Variants in SPAG17 observed in about 807,000 individuals in gnomAD.
SPAG17 encodes the protein sperm associated antigen 17.
Under a neutral mutation model 273.6 loss-of-function variants are expected in SPAG17, and 169 were observed. That is an observed-to-expected ratio of 0.62 (90% CI 0.55 to 0.70). The LOEUF is 0.70. Among genes scored for constraint, SPAG17 ranks in the 30% least tolerant of loss-of-function variants. The probability of loss-of-function intolerance (pLI) is 0.00; values close to 1 mark genes in which losing one functional copy is unlikely to be tolerated. For synonymous variants in SPAG17, 825 were observed against 873.2 expected, an observed-to-expected ratio of 0.94 and a Z score of 0.97; for missense variants, 2,557 against 2,627.8, an observed-to-expected ratio of 0.97 and a Z score of 0.59.
chr1:118,020,518 T>C (rs1248629615), intron 28 of SPAG17, among the ~76,000 whole-genome samples: 1 of 151,746 alleles, frequency 6.6e-6, no homozygotes, highest in East Asian at 1.9e-4. Context: ...ACAATAATTC[T>C]AAATGTATGA....
chr1:117,977,581 T>A (rs1044893565), intron 43 of SPAG17, among the ~76,000 whole-genome samples: 1 of 152,216 alleles, frequency 6.6e-6, no homozygotes, highest in Non-Finnish European at 1.5e-5. Context: ...ATTCCTCCCA[T>A]AAAGCTTTCT....
At chr1:118,014,807 G>A (rs562891386) in intron 29 of SPAG17, among the ~76,000 whole-genome samples, 1 of 152,282 alleles carries the variant, frequency 6.6e-6, no homozygotes, top group African/African-American at 2.4e-5. Context: ...GAATAGCTAA[G>A]GAATGGAAAG....
At chr1:118,161,211 C>A (rs543592619) in intron 1 of SPAG17, among the ~76,000 whole-genome samples, 311 of 152,292 alleles carry the variant, frequency 2.0e-3, no homozygotes, top group African/African-American at 7.2e-3. Flanking sequence ...ATCAGTGGCC[C>A]TGACTGGGTT....
rs1035085678 is a variant in SPAG17 at position 118,041,728 on chromosome 1, C to A, written c.3054+75G>T. The A allele has an allele frequency of 2.0e-6, 3 of 1,537,296 alleles. No individual in the cohort carries two copies. The Admixed American group carries it at 6.4e-5, about 33-fold the overall frequency. On this transcript the variant is annotated intron_variant, in intron 21 of 48. Coordinates refer to ENST00000336338, the MANE Select transcript of SPAG17 (RefSeq NM_206996.4). ...TGTGGGGTAGTGAAAACAAAAGAAT[C>A]TTATAATAACCGTATTTTCCCAAAA...
intron 1 of SPAG17, among the ~76,000 whole-genome samples, chr1:118,181,718 A>T (rs1431598788): frequency 6.6e-6 from 1 of 152,212 alleles, no homozygotes; most frequent in Non-Finnish European, 1.5e-5. Context: ...AATAAATAAA[A>T]AATAAAAAGT....
intron 15 of SPAG17, among the ~76,000 whole-genome samples, chr1:118,080,453 G>A (rs999669315): frequency 2.0e-5 from 3 of 152,274 alleles, no homozygotes; most frequent in South Asian, 2.1e-4. Flanking sequence ...ATGGAAAAAG[G>A]TTTTGGGAAA....
chr1:117,957,557 GT>G (rs1398387286), intron 48 of SPAG17, among the ~76,000 whole-genome samples: 1 of 152,218 alleles, frequency 6.6e-6, no homozygotes, highest in African/African-American at 2.4e-5. Flanking sequence ...TGATTGGCCA[GT>G]TTGCCTCATT....
At chr1:117,992,010 A>T (rs1412409523) in intron 36 of SPAG17, among the ~76,000 whole-genome samples, 1 of 152,202 alleles carries the variant, frequency 6.6e-6, no homozygotes, top group African/African-American at 2.4e-5. Flanking sequence ...ATATAACCAT[A>T]AACAAAACAC....
At chr1:117,994,594 G>T in intron 34 of SPAG17, 64 bp from the exon 35 acceptor site, 1 of 1,516,032 alleles carries the variant, frequency 6.6e-7, no homozygotes, top group Non-Finnish European at 8.9e-7. Context: ...AAATGAAAAC[G>T]CATTGACTAA....
chr1:118,018,619 G>A (rs1000650483), intron 28 of SPAG17, among the ~76,000 whole-genome samples: 4 of 151,002 alleles, frequency 2.6e-5, no homozygotes, highest in Admixed American at 6.6e-5. Context: ...GATTGCTTAA[G>A]CCCAAGAGTT....
intron 20 of SPAG17, among the ~76,000 whole-genome samples, chr1:118,046,905 A>T (rs1366870908): frequency 2.0e-5 from 3 of 152,224 alleles, no homozygotes; most frequent in African/African-American, 7.2e-5. Flanking sequence ...AAAAGAAAGG[A>T]TCATAGAGAA....
intron 1 of SPAG17, among the ~76,000 whole-genome samples, chr1:118,183,438 G>C (rs1327801755): frequency 6.6e-6 from 1 of 152,110 alleles, no homozygotes; most frequent in African/African-American, 2.4e-5. Flanking sequence ...AGAAAAATGA[G>C]AGAGGAGGTG....
chr1:118,024,963 T>A (rs1024325927), intron 27 of SPAG17, among the ~76,000 whole-genome samples: 1 of 152,184 alleles, frequency 6.6e-6, no homozygotes, highest in Non-Finnish European at 1.5e-5. Context: ...TTTAAATTTT[T>A]AAAATTAGTT....
At position 118,177,559 on chromosome 1, in the gene SPAG17, A is replaced by G. The variant is rs554876000; in HGVS notation, c.87+7512T>C. On this transcript the variant is annotated intron_variant, in intron 1 of 48. Transcript: ENST00000336338. ...AACAAATCAAACCTTAAATTAGCGGAAGGAAAATAATAAAGATCAGAGAAG... is the reference window on the plus strand; with the variant it reads ...AACAAATCAAACCTTAAATTAGCGGGAGGAAAATAATAAAGATCAGAGAAG... Among the ~76,000 whole-genome samples the G allele has an allele frequency of 2.6e-5, 4 of 152,284 alleles. No individual in the cohort carries two copies. The South Asian group carries it at 6.2e-4, about 24-fold the overall frequency.
chr1:118,021,808 T>G (rs1017863061), intron 28 of SPAG17, among the ~76,000 whole-genome samples: 4 of 152,096 alleles, frequency 2.6e-5, no homozygotes, highest in Non-Finnish European at 4.4e-5. Flanking sequence ...CAGGGTAGGC[T>G]CTTAGAAAAA....
chr1:118,093,271 T>G lies in SPAG17; in HGVS notation c.1058A>C (p.Tyr353Ser). ...DIFENIACLMYDILDWKRQHQ... is the reference protein window; with the variant it reads ...DIFENIACLMSDILDWKRQHQ... ...CTGCCTTTTCCAATCCAGGATGTCA[T>G]ACATCAAGCAGGCAATATTTTCAAA... Residue 353 changes from tyrosine (Y) to serine (S), a missense_variant, in exon 8 of 49, where the codon TAT becomes TCT. Physicochemically the swap from Tyr to Ser is moderately radical, Grantham distance 144. Transcript: ENST00000336338. 6.2e-7 allele frequency: 1 copy of G among 1,613,318 alleles called. No individual in the cohort carries two copies. The highest frequency in any genetic ancestry group is 1.7e-5 in the Admixed American group (1 of 59,858).
chr1:117,957,180 C>T (rs1393125749), intron 48 of SPAG17: 2 of 1,611,334 alleles, frequency 1.2e-6, no homozygotes, highest in South Asian at 1.1e-5. Context: ...ATGCCGGTGC[C>T]TCTTCTTCCT....
chr1:117,996,528 C>T (rs376091339), intron 33 of SPAG17, 28 bp from the exon 34 acceptor site: 1 of 1,606,456 alleles, frequency 6.2e-7, no homozygotes, highest in African/African-American at 1.3e-5. Context: ...AATATAATCA[C>T]TTCAAGTATT....
At chr1:118,133,752 T>G (rs1658185741) in intron 3 of SPAG17, among the ~76,000 whole-genome samples, 1 of 152,174 alleles carries the variant, frequency 6.6e-6, no homozygotes, top group African/African-American at 2.4e-5. Flanking sequence ...TGTGAGCTTG[T>G]GCAGGGCCCG....
Sources: gnomAD v4.1 joint callset for allele counts (sites outside exome capture counted in the v4.1 genomes callset) on GRCh38, gnomAD v4.1.1 for gene constraint, MANE v1.5 for transcripts, NCBI Gene and HGNC (gene_info 2026-07-23, HGNC 2026-07-21) for gene names.